Variants in MGAT4C observed in about 807,000 individuals in gnomAD.
MGAT4C encodes MGAT4 family member C.
In MGAT4C, 19 loss-of-function variants were observed where a neutral mutation model predicts 40.1. The observed-to-expected ratio is 0.47, with a 90% CI of 0.33 to 0.70. The LOEUF is 0.70. Ranked by LOEUF, MGAT4C falls within the 30% of genes least tolerant of loss-of-function variation. The pLI, the probability that MGAT4C is intolerant of heterozygous loss-of-function variation, is 0.02. For missense variants in MGAT4C, 491 were observed against 563.2 expected (o/e 0.87, Z 1.30); for synonymous variants, 181 against 187.1 (o/e 0.97, Z 0.27).
chr12:86,022,201 C>T (rs765644230), intron 2 of MGAT4C, among the ~76,000 whole-genome samples: 1 of 152,128 alleles, frequency 6.6e-6, no homozygotes, highest in Non-Finnish European at 1.5e-5. Flanking sequence ...CAGAAAAATA[C>T]TACAGAGGAA....
chr12:86,683,359 C>T (rs1950016729), intron 2 of MGAT4C, among the ~76,000 whole-genome samples: 1 of 151,922 alleles, frequency 6.6e-6, no homozygotes, highest in Non-Finnish European at 1.5e-5. Flanking sequence ...AAACAGATTC[C>T]AAGAAATAAG....
chr12:86,127,179 C>A (rs1880423122), intron 1 of MGAT4C, among the ~76,000 whole-genome samples: 1 of 152,122 alleles, frequency 6.6e-6, no homozygotes, highest in Non-Finnish European at 1.5e-5. Flanking sequence ...TGGTATAGCC[C>A]ACTACATACC....
chr12:86,007,649 A>G (rs992700055), intron 2 of MGAT4C, among the ~76,000 whole-genome samples: 2 of 152,088 alleles, frequency 1.3e-5, no homozygotes, highest in Admixed American at 6.6e-5. Context: ...AATAAAAACA[A>G]AAAACTAATT....
intron 2 of MGAT4C, among the ~76,000 whole-genome samples, chr12:86,451,854 A>G (rs1253457771): frequency 6.6e-6 from 1 of 152,138 alleles, no homozygotes; most frequent in Non-Finnish European, 1.5e-5. Flanking sequence ...CACACTAAAC[A>G]CACACAATTT....
chr12:86,566,536 A>ATG (rs1165775998), intron 2 of MGAT4C, among the ~76,000 whole-genome samples: 10 of 65,334 alleles, frequency 1.5e-4, no homozygotes, highest in Non-Finnish European at 2.8e-4. Flanking sequence ...ATATACATAT[A>ATG]TATATATATA....
chr12:86,465,175 T>A (rs972822577), intron 2 of MGAT4C, among the ~76,000 whole-genome samples: 1 of 152,006 alleles, frequency 6.6e-6, no homozygotes, highest in Non-Finnish European at 1.5e-5. Flanking sequence ...GGACATTACA[T>A]TCAAAAAAAT....
At chr12:86,600,473 G>C (rs1340683490) in intron 2 of MGAT4C, among the ~76,000 whole-genome samples, 2 of 152,208 alleles carry the variant, frequency 1.3e-5, no homozygotes, top group East Asian at 3.9e-4. Context: ...ACATATTTGA[G>C]TTGTGGAAGA....
intron 4 of MGAT4C, among the ~76,000 whole-genome samples, chr12:86,330,570 A>C (rs750219502): frequency 2.0e-5 from 3 of 152,126 alleles, no homozygotes; most frequent in Non-Finnish European, 4.4e-5. Context: ...TGAATTCTCT[A>C]TTTATTTACA....
chr12:86,773,633 C>T (rs1565980721), intron 1 of MGAT4C, among the ~76,000 whole-genome samples: 3 of 152,002 alleles, frequency 2.0e-5, no homozygotes, highest in Non-Finnish European at 2.9e-5. Flanking sequence ...TTTATAGCTA[C>T]CACAAGGCAT....
intron 2 of MGAT4C, among the ~76,000 whole-genome samples, chr12:86,720,966 C>T (rs906591875): frequency 1.3e-5 from 2 of 152,104 alleles, no homozygotes; most frequent in Non-Finnish European, 2.9e-5. Flanking sequence ...TCTGCCCTTC[C>T]TCATACTCCC....
chr12:86,625,141 T>C (rs1962763565), intron 2 of MGAT4C, among the ~76,000 whole-genome samples: 2 of 152,028 alleles, frequency 1.3e-5, no homozygotes, highest in Admixed American at 6.6e-5. Flanking sequence ...AGGGGGCTTT[T>C]TAAAGGGGCT....
chr12:86,713,363 C>A (rs902949342), intron 2 of MGAT4C, among the ~76,000 whole-genome samples: 3 of 152,034 alleles, frequency 2.0e-5, no homozygotes, highest in Admixed American at 2.0e-4. Context: ...ATTCAACCAA[C>A]AACTATTAGG....
chr12:86,021,123 C>G (rs1274757053), intron 2 of MGAT4C, among the ~76,000 whole-genome samples: 4 of 152,156 alleles, frequency 2.6e-5, no homozygotes, highest in Non-Finnish European at 4.4e-5. Context: ...AACAGGAACA[C>G]TTTTACACTG....
At chr12:86,578,538 C>A (rs1476374523) in intron 2 of MGAT4C, among the ~76,000 whole-genome samples, 1 of 151,682 alleles carries the variant, frequency 6.6e-6, no homozygotes, top group African/African-American at 2.4e-5. Flanking sequence ...ACAGCTTTGA[C>A]CTTGTTACTT....
Position 86,800,667 on chromosome 12 carries a change from G to A in MGAT4C, c.-262+37999C>T, listed in dbSNP as rs188044408. Among the ~76,000 whole-genome samples the A allele has an allele frequency of 1.1e-3, 172 of 151,928 alleles. 1 individual carries two copies. Among genetic ancestry groups the A allele is most frequent in the African/African-American group, 4.0e-3 (168 of 41,490 alleles). ...ATTTACAATTATTAATAATAACTAC[G>A]TTTAACCATAGAAATTAATGTCCAA... On this transcript the variant is annotated intron_variant, in intron 1 of 7. Coordinates refer to the MGAT4C transcript ENST00000548651.
intron 2 of MGAT4C, among the ~76,000 whole-genome samples, chr12:86,670,809 C>T (rs904675883): frequency 6.6e-6 from 1 of 152,176 alleles, no homozygotes; most frequent in African/African-American, 2.4e-5. Context: ...TAACCCTTTT[C>T]CCATTTTTCC....
chr12:86,769,559 T>C (rs1274563546), intron 1 of MGAT4C, among the ~76,000 whole-genome samples: 2 of 152,168 alleles, frequency 1.3e-5, no homozygotes, highest in Admixed American at 6.5e-5. Flanking sequence ...TAAAGACATA[T>C]GCACACGTAT....
At chr12:86,239,860 A>G (rs1470152647) in intron 1 of MGAT4C, among the ~76,000 whole-genome samples, 38 of 119,648 alleles carry the variant, frequency 3.2e-4, no homozygotes, top group Admixed American at 1.3e-3. Flanking sequence ...GGAATATCAC[A>G]CTCTGGGGAC....
At chr12:86,399,581 C>T (rs533720773) in intron 3 of MGAT4C, among the ~76,000 whole-genome samples, 2 of 152,118 alleles carry the variant, frequency 1.3e-5, no homozygotes, top group African/African-American at 2.4e-5. Context: ...GTGCCCGGGC[C>T]TGTCCAGTTA....
Sources: gnomAD v4.1 joint callset for allele counts (sites outside exome capture counted in the v4.1 genomes callset) on GRCh38, gnomAD v4.1.1 for gene constraint, MANE v1.5 for transcripts, NCBI Gene and HGNC (gene_info 2026-07-23, HGNC 2026-07-21) for gene names.